The following ZNF366 variants were observed in gnomAD, a reference collection of about 807,000 sequenced individuals.
ZNF366 encodes zinc finger protein 366.
ZNF366 carries 20 observed loss-of-function variants against 47.2 expected under a neutral mutation model. The ratio of observed to expected loss-of-function variants is 0.42; its 90% CI spans 0.30 to 0.62. The LOEUF (loss-of-function observed/expected upper bound fraction) is 0.62, where lower values mean the gene tolerates loss of function less well. Ranked by LOEUF, ZNF366 falls within the 20% of genes least tolerant of loss-of-function variation. The pLI, the probability that ZNF366 is intolerant of heterozygous loss-of-function variation, is 0.16. For synonymous variants in ZNF366, 421 were observed against 395.1 expected, an observed-to-expected ratio of 1.07 and a Z score of -0.78; for missense variants, 987 against 976.3, an observed-to-expected ratio of 1.01 and a Z score of -0.15.
At chr5:72,489,785 G>A (rs956145674) in intron 1 of ZNF366, among the ~76,000 whole-genome samples, 2 of 152,194 alleles carry the variant, frequency 1.3e-5, no homozygotes, top group African/African-American at 4.8e-5. Flanking sequence ...CCTTCTCTCT[G>A]AAATTTACAA....
At position 72,443,909 on chromosome 5, in the gene ZNF366, G is replaced by T; in HGVS notation, c.2082C>A (p.Ala694=). ...TGAGACTGAGACACTCATCTCTGCC[G>T]GCACAGTCTCTCTCCTGGCCGCCCT... The part of the protein sequence containing the change: ...GAEGGQERDC[A]GRDECLSLRA... The change falls in exon 5 of 5, where the codon GCC becomes GCA. Residue 694 remains alanine, a synonymous_variant. Coordinates refer to ENST00000318442, the MANE Select transcript of ZNF366 (RefSeq NM_152625.3). 6.2e-7 allele frequency: 1 copy of T among 1,614,138 alleles called. No homozygotes were observed. The highest frequency in any genetic ancestry group is 8.5e-7 in the Non-Finnish European group (1 of 1,180,012).
chr5:72,484,089 A>G (rs1337852021), intron 1 of ZNF366, among the ~76,000 whole-genome samples: 1 of 152,244 alleles, frequency 6.6e-6, no homozygotes, highest in Non-Finnish European at 1.5e-5. Context: ...GATCCATGAC[A>G]TCATATTATT....
rs1196927302 is a variant in ZNF366, at chr5:72,461,415, A to G, written c.82T>C (p.Cys28Arg). Reference sequence around the variant, plus strand: ...CCCCGAGAAGCCACTGGCTGCAGGCAGTGGGGAAAGGAGGGGGTCTTCTTC... The same window carrying G: ...CCCCGAGAAGCCACTGGCTGCAGGCGGTGGGGAAAGGAGGGGGTCTTCTTC... ...AVKKTPSFPH[C>R]LQPVASRGKA... Residue 28 changes from cysteine to arginine, a missense_variant, in exon 2 of 5, where the codon TGC becomes CGC. By Grantham distance (180) the Cys-to-Arg change is radical. Coordinates refer to ENST00000318442, the MANE Select transcript of ZNF366 (RefSeq NM_152625.3). 5 of 1,612,258 alleles carry G rather than the reference A, an allele frequency of 3.1e-6. 1 individual carries two copies. In the South Asian group the frequency reaches 4.4e-5, roughly 14 times the overall value.
chr5:72,451,588 C>T (rs1212621652), intron 3 of ZNF366, among the ~76,000 whole-genome samples: 2 of 152,196 alleles, frequency 1.3e-5, no homozygotes, highest in East Asian at 1.9e-4. Flanking sequence ...GCTCTTTTTA[C>T]TATCATTATG....
intron 1 of ZNF366, chr5:72,472,694 C>G: frequency 1.8e-6 from 1 of 554,658 alleles, no homozygotes; most frequent in Non-Finnish European, 2.3e-6. Flanking sequence ...CCATTCCAGC[C>G]CTCCGAGTTT....
chr5:72,448,645 A>G (rs1743004886), intron 3 of ZNF366, among the ~76,000 whole-genome samples: 1 of 152,206 alleles, frequency 6.6e-6, no homozygotes, highest in Non-Finnish European at 1.5e-5. Flanking sequence ...AGAGACACTC[A>G]GGGTGAGGCA....
intron 2 of ZNF366, among the ~76,000 whole-genome samples, chr5:72,459,016 T>A (rs1430586756): frequency 1.3e-5 from 2 of 152,126 alleles, no homozygotes; most frequent in Non-Finnish European, 2.9e-5. Context: ...TCTGGGTCCT[T>A]TGTTGATGGT....
At chr5:72,464,790 A>G (rs1465924082) in intron 1 of ZNF366, among the ~76,000 whole-genome samples, 1 of 152,090 alleles carries the variant, frequency 6.6e-6, no homozygotes, top group Non-Finnish European at 1.5e-5. Flanking sequence ...GCTGGGCGCA[A>G]TGGCTCATGC....
chr5:72,445,179 C>G (rs1372018511), intron 4 of ZNF366, among the ~76,000 whole-genome samples: 1 of 152,136 alleles, frequency 6.6e-6, no homozygotes, highest in Admixed American at 6.6e-5. Context: ...GGAGGCCTCA[C>G]TTTTGCCTTC....
chr5:72,460,915 C>A lies in ZNF366; in HGVS notation c.582G>T (p.Ser194=). ...LMFPFFVPSS[S]PFPFSRHTFL... ...AGGTGTGCCGGCTGAAGGGGAAGGG[C>A]GAGGACGAGGGCACGAAGAAGGGGA... Residue 194 remains serine, a synonymous_variant, in exon 2 of 5, where the codon TCG becomes TCT. Transcript: ENST00000318442. 1 of 1,612,012 alleles carries A rather than the reference C, an allele frequency of 6.2e-7. No homozygotes were observed. Among genetic ancestry groups the A allele is most frequent in the Non-Finnish European group, 8.5e-7 (1 of 1,178,702 alleles).
chr5:72,473,171 A>G (rs1432152119), intron 1 of ZNF366, among the ~76,000 whole-genome samples: 2 of 152,216 alleles, frequency 1.3e-5, no homozygotes, highest in Non-Finnish European at 2.9e-5. Flanking sequence ...TACAATAAAT[A>G]GTAGATAAAA....
rs1324558126 is a variant in ZNF366 at position 72,441,577 on chromosome 5, G to C, written c.*2179C>G. The C allele has an allele frequency of 6.6e-6, 1 of 152,370 alleles. No homozygotes were observed. Among genetic ancestry groups the C allele is most frequent in the Non-Finnish European group, 1.5e-5 (1 of 68,190 alleles). The allele number at this position is 152,370 out of a possible 1,614,324, so 9.4% of individuals were successfully genotyped here. A position where few individuals can be genotyped will look rare whatever the true frequency, so the allele number is the denominator to read the frequency against. ...CATAGTACTCTTAGCACTTCATGGT[G>C]GTGGGGAGGCTGACAGGAGAAGCTT... is the stretch of plus-strand genomic sequence containing the variant. On this transcript the variant is annotated 3_prime_UTR_variant, in exon 5 of 5. Transcript: ENST00000318442.
chr5:72,458,923 C>A (rs2112326220), intron 2 of ZNF366, among the ~76,000 whole-genome samples: 1 of 152,318 alleles, frequency 6.6e-6, no homozygotes, highest in Admixed American at 6.5e-5. Context: ...TTCATATGCT[C>A]TAAAATGCAC....
At chr5:72,485,977 C>A (rs1171936687) in intron 1 of ZNF366, among the ~76,000 whole-genome samples, 1 of 152,196 alleles carries the variant, frequency 6.6e-6, no homozygotes, top group Non-Finnish European at 1.5e-5. Context: ...TTACACAATA[C>A]TGTGTCTGAA....
intron 1 of ZNF366, among the ~76,000 whole-genome samples, chr5:72,484,403 G>A (rs1743849531): frequency 6.8e-6 from 1 of 147,934 alleles, no homozygotes; most frequent in African/African-American, 2.5e-5. Flanking sequence ...AGAATGGCGT[G>A]AACCCGGGAG....
chr5:72,460,601 T>C lies in ZNF366; in HGVS notation c.896A>G (p.His299Arg). The change falls in exon 2 of 5, where the codon CAC (histidine) becomes CGC (arginine). Residue 299 changes from histidine (H) to arginine (R), a missense_variant. This residue lies in a region of ZNF366 where 591 missense variants were observed against 560.9 expected (regional missense o/e 1.05). Transcript: ENST00000318442. ...LFKQLSHLHT[H>R]MLTHQGTRPH... is the part of the protein sequence containing the mutation. ...CCGCGTGCCCTGGTGGGTCAGCATG[T>C]GGGTATGCAGGTGGCTGAGCTGCTT... is the stretch of plus-strand genomic sequence containing the variant. The C allele has an allele frequency of 3.1e-6, 5 of 1,614,060 alleles. No individual in the cohort carries two copies. Among genetic ancestry groups the C allele is most frequent in the Non-Finnish European group, 4.2e-6 (5 of 1,180,004 alleles).
chr5:72,503,721 C>G (rs1244469876), intron 1 of ZNF366, among the ~76,000 whole-genome samples: 1 of 152,214 alleles, frequency 6.6e-6, no homozygotes, highest in African/African-American at 2.4e-5. Context: ...TTCTACTCCA[C>G]CAAGCCACAT....
chr5:72,441,117 A>G lies in ZNF366; in HGVS notation c.*2639T>C, dbSNP rs1005421573. ...CTCAAAACACAATCTGAAAACCACC[A>G]TTCTAGACCATACTCTCTCTGTCTC... On this transcript the variant is annotated 3_prime_UTR_variant, in exon 5 of 5. Coordinates refer to ENST00000318442, the MANE Select transcript of ZNF366 (RefSeq NM_152625.3). The G allele has an allele frequency of 2.0e-5, 3 of 152,142 alleles. No individual in the cohort carries two copies. Among genetic ancestry groups the G allele is most frequent in the African/African-American group, 7.2e-5 (3 of 41,438 alleles). The allele number at this position is 152,142 out of a possible 1,614,324, so 9.4% of individuals were successfully genotyped here. A position where few individuals can be genotyped will look rare whatever the true frequency, so the allele number is the denominator to read the frequency against.
intron 3 of ZNF366, among the ~76,000 whole-genome samples, chr5:72,448,685 C>A (rs534398097): frequency 2.0e-5 from 3 of 152,108 alleles, no homozygotes; most frequent in Admixed American, 1.3e-4. Context: ...GTTTTCCTTT[C>A]TCACTGAGAT....
Sources: gnomAD v4.1 joint callset for allele counts (sites outside exome capture counted in the v4.1 genomes callset) on GRCh38, gnomAD v4.1.1 for gene constraint, gnomAD v4.1.1 regional missense constraint, MANE v1.5 for transcripts, NCBI Gene and HGNC (gene_info 2026-07-23, HGNC 2026-07-21) for gene names.